The following RBFOX3 variants were observed in gnomAD, a reference collection of about 807,000 sequenced individuals.
The protein encoded by RBFOX3 is RNA binding fox-1 homolog 3.
Under a neutral mutation model 48.7 loss-of-function variants are expected in RBFOX3, and 17 were observed. That is an observed-to-expected ratio of 0.35 (90% CI 0.24 to 0.52). The LOEUF (loss-of-function observed/expected upper bound fraction) is 0.52, where lower values mean the gene tolerates loss of function less well. Among genes scored for constraint, RBFOX3 ranks in the 20% least tolerant of loss-of-function variants. The pLI is 0.94. For synonymous variants in RBFOX3, 212 were observed against 209.5 expected (o/e 1.01, Z -0.10); for missense variants, 382 against 497.5 (o/e 0.77, Z 2.21).
rs928877373 is a variant in RBFOX3 at position 79,480,120 on chromosome 17, G to C, written c.-175+2334C>G. 6.6e-6 allele frequency among the ~76,000 whole-genome samples: 1 copy of C among 152,240 alleles called. No individual in the cohort carries two copies. The highest frequency in any genetic ancestry group is 1.5e-5 in the Non-Finnish European group (1 of 68,040). ...GGGAGCCCCAGGACAGAAAGAGCCA[G>C]AAAGAGCAGTGGGATTCCTGCCCTC... On this transcript the variant is annotated intron_variant, in intron 2 of 14. Coordinates refer to ENST00000693108, the MANE Select transcript of RBFOX3 (RefSeq NM_001350451.2). The surrounding 1 kb of genome is among the most constrained non-coding windows in gnomAD (Gnocchi z 4.8).
At chr17:79,354,823 T>C (rs2084659316) in intron 2 of RBFOX3, among the ~76,000 whole-genome samples, 1 of 152,242 alleles carries the variant, frequency 6.6e-6, no homozygotes. Context: ...ATAACTATTT[T>C]TAGTTCCACA....
Position 79,199,106 on chromosome 17 carries a change from T to C in RBFOX3, c.-34+36660A>G, listed in dbSNP as rs2056295419. On this transcript the variant is annotated intron_variant, in intron 4 of 14. Transcript: ENST00000693108. The surrounding 1 kb of genome is among the most constrained non-coding windows in gnomAD (Gnocchi z 5.1). Reference sequence around the variant, plus strand: ...GACCCAGAAAACAGTGGGAAGCAAGTGGGGGCTGTCTCCATGGAGTGAAAG... The same window carrying C: ...GACCCAGAAAACAGTGGGAAGCAAGCGGGGGCTGTCTCCATGGAGTGAAAG... Among the ~76,000 whole-genome samples the C allele has an allele frequency of 6.6e-6, 1 of 152,114 alleles. No homozygotes were observed. Among genetic ancestry groups the C allele is most frequent in the Non-Finnish European group, 1.5e-5 (1 of 68,002 alleles).
intron 5 of RBFOX3, among the ~76,000 whole-genome samples, chr17:79,107,386 T>C (rs2077581261): frequency 6.6e-6 from 1 of 152,222 alleles, no homozygotes; most frequent in African/African-American, 2.4e-5. Context: ...TCCAGTCCTC[T>C]ATAGCCCCCA....
chr17:79,104,840 G>A (rs2077071262), intron 6 of RBFOX3, among the ~76,000 whole-genome samples: 1 of 152,012 alleles, frequency 6.6e-6, no homozygotes, highest in Non-Finnish European at 1.5e-5. Context: ...AGGGCAAGAG[G>A]GAAGCATAGG....
At position 79,138,348 on chromosome 17, in the gene RBFOX3, C is replaced by T. The variant is rs896140984; in HGVS notation, c.-33-22600G>A. ...GCACGCTCGTGTGTACCATGTCACA[C>T]GCAGGTGTGAACACCCGCACGCACA... On this transcript the variant is annotated intron_variant, in intron 4 of 14. Transcript: ENST00000693108. Among the ~76,000 whole-genome samples the T allele has an allele frequency of 4.6e-5, 7 of 152,244 alleles. No individual in the cohort carries two copies. The Middle Eastern group carries it at 0.01, about 222-fold the overall frequency.
At chr17:79,398,714 G>C (rs1000442364) in intron 2 of RBFOX3, among the ~76,000 whole-genome samples, 4 of 152,198 alleles carry the variant, frequency 2.6e-5, no homozygotes, top group Admixed American at 1.3e-4. Flanking sequence ...GGAGATGTGA[G>C]TGCATAAAGT....
intron 4 of RBFOX3, among the ~76,000 whole-genome samples, chr17:79,168,339 A>G (rs2048444323): frequency 6.6e-6 from 1 of 152,276 alleles, no homozygotes; most frequent in Admixed American, 6.5e-5. Flanking sequence ...GCACAATTGC[A>G]TGGCACCTGC....
chr17:79,590,288 G>A (rs1036381765), intron 1 of RBFOX3, among the ~76,000 whole-genome samples: 24 of 152,266 alleles, frequency 1.6e-4, no homozygotes, highest in Middle Eastern at 3.4e-3. Context: ...CATTACTGTC[G>A]TTTTAAAAGG....
At chr17:79,283,655 G>A (rs2078232741) in intron 3 of RBFOX3, among the ~76,000 whole-genome samples, 1 of 152,232 alleles carries the variant, frequency 6.6e-6, no homozygotes. Context: ...GTGGGAGGAT[G>A]CCTGGGCAGC....
chr17:79,260,493 C>T (rs571791492), intron 3 of RBFOX3, among the ~76,000 whole-genome samples: 60 of 152,340 alleles, frequency 3.9e-4, no homozygotes, highest in African/African-American at 1.4e-3. Context: ...GAGGTGCCCA[C>T]AGTGCACGCC....
In RBFOX3 at chr17:79,214,090, A is replaced by G. The variant is rs2058712559; in HGVS notation, c.-34+21676T>C. ...TCGCATGGCGCCGCCCAGCTCTGGT[A>G]GGAGGGACTGAAATAAATGGAGTCA... On this transcript the variant is annotated intron_variant, in intron 4 of 14. Coordinates refer to ENST00000693108, the MANE Select transcript of RBFOX3 (RefSeq NM_001350451.2). This position sits in a 1 kb window ranked among gnomAD's most constrained non-coding sequence, Gnocchi z 4.7. Among the ~76,000 whole-genome samples, 1 of 152,160 alleles carries G rather than the reference A, an allele frequency of 6.6e-6. No individual in the cohort carries two copies. The highest frequency in any genetic ancestry group is 2.4e-5 in the African/African-American group (1 of 41,434).
chr17:79,515,521 T>C (rs2085125051), intron 1 of RBFOX3, among the ~76,000 whole-genome samples: 1 of 152,176 alleles, frequency 6.6e-6, no homozygotes, highest in African/African-American at 2.4e-5. Context: ...CACCAGCACA[T>C]AGAAAAAACG....
At chr17:79,483,277 C>T (rs1237916523) in intron 1 of RBFOX3, among the ~76,000 whole-genome samples, 2 of 151,810 alleles carry the variant, frequency 1.3e-5, no homozygotes, top group Non-Finnish European at 2.9e-5. Context: ...TTGGGGCTCT[C>T]GGCAGTCTGG....
At chr17:79,344,089 C>T (rs12165050) in intron 2 of RBFOX3, among the ~76,000 whole-genome samples, 1,971 of 152,280 alleles carry the variant, frequency 0.013, 36 homozygotes, top group African/African-American at 0.045. Context: ...TTAGTGTGGG[C>T]TACATGCACC....
intron 1 of RBFOX3, among the ~76,000 whole-genome samples, chr17:79,494,596 T>G (rs2081173019): frequency 6.6e-6 from 1 of 152,188 alleles, no homozygotes; most frequent in Admixed American, 6.5e-5. Context: ...GGCTGGGGAA[T>G]GAGCAGCTTT....
At chr17:79,229,558 CAAAAAAAAAAAAAA>C (rs11435725) in intron 4 of RBFOX3, among the ~76,000 whole-genome samples, 1 of 50,646 alleles carries the variant, frequency 2.0e-5, no homozygotes, top group Non-Finnish European at 3.5e-5. Context: ...GACTCCATCT[CAAAAAAAAAAAAAA>C]AAAAAAAAAA....
chr17:79,135,300 G>A (rs1011070422), intron 4 of RBFOX3, among the ~76,000 whole-genome samples: 3 of 152,184 alleles, frequency 2.0e-5, no homozygotes, highest in Non-Finnish European at 4.4e-5. Context: ...TGAGATGGGT[G>A]GCGGTGGGGT....
At chr17:79,256,405 T>C (rs1600249086) in intron 3 of RBFOX3, among the ~76,000 whole-genome samples, 1 of 152,084 alleles carries the variant, frequency 6.6e-6, no homozygotes, top group African/African-American at 2.4e-5. Context: ...AAGCCCAGAG[T>C]GAGGATGGCA....
chr17:79,117,050 A>G (rs571112711), intron 4 of RBFOX3, among the ~76,000 whole-genome samples: 47 of 152,334 alleles, frequency 3.1e-4, no homozygotes, highest in African/African-American at 1.1e-3. Context: ...TCACAGTGCC[A>G]GAGAGCAAGG....
Sources: gnomAD v4.1 joint callset for allele counts (sites outside exome capture counted in the v4.1 genomes callset) on GRCh38, gnomAD v4.1.1 for gene constraint, Gnocchi (gnomAD v3.1) non-coding constraint, MANE v1.5 for transcripts, NCBI Gene and HGNC (gene_info 2026-07-23, HGNC 2026-07-21) for gene names.